Variants in GLIS3 observed in about 807,000 individuals in gnomAD.
GLIS3 encodes zinc finger protein GLIS3.
In GLIS3, 53 loss-of-function variants were observed where a neutral mutation model predicts 78.6. That is an observed-to-expected ratio of 0.67 (90% CI 0.54 to 0.85). The LOEUF (loss-of-function observed/expected upper bound fraction) is 0.85. GLIS3 is among the 40% of genes least tolerant of loss of function. The pLI is 0.00. For missense variants in GLIS3, 1,703 were observed against 1,231.1 expected (o/e 1.38, Z -5.74); for synonymous variants, 684 against 509.9 (o/e 1.34, Z -4.60).
At chr9:4,474,843 C>G in the GLIS3 span, among the ~76,000 whole-genome samples, 1 of 151,362 alleles carries the variant, frequency 6.6e-6, no homozygotes. Flanking sequence ...ACTACATGCA[C>G]CTGCCACCAC....
intron 2 of GLIS3, among the ~76,000 whole-genome samples, chr9:4,154,969 C>T (rs1358131238): frequency 3.3e-5 from 5 of 152,074 alleles, no homozygotes; most frequent in African/African-American, 1.2e-4. Flanking sequence ...TCAAAGAATA[C>T]TGAACTACAT....
At chr9:4,335,919 C>G (rs1817749767) in intron 2 of GLIS3, among the ~76,000 whole-genome samples, 1 of 152,124 alleles carries the variant, frequency 6.6e-6, no homozygotes, top group African/African-American at 2.4e-5. Flanking sequence ...GCTATGACAA[C>G]CTAAGGTAAA....
chr9:4,464,254 C>T, the GLIS3 span, among the ~76,000 whole-genome samples: 3 of 151,826 alleles, frequency 2.0e-5, no homozygotes, highest in Non-Finnish European at 2.9e-5. Flanking sequence ...AGGCAATGGT[C>T]TCTTTGTAGC....
At chr9:4,459,131 C>A in the GLIS3 span, among the ~76,000 whole-genome samples, 2 of 152,110 alleles carry the variant, frequency 1.3e-5, no homozygotes, top group African/African-American at 4.8e-5. Context: ...AGAGTGGAGA[C>A]AGGGAGACTA....
chr9:3,913,749 C>T (rs1588213286), intron 6 of GLIS3, among the ~76,000 whole-genome samples: 1 of 152,324 alleles, frequency 6.6e-6, no homozygotes, highest in Non-Finnish European at 1.5e-5. Flanking sequence ...TGATTTTCTA[C>T]ATTTTGTAAT....
the GLIS3 span, among the ~76,000 whole-genome samples, chr9:4,472,060 C>T: frequency 1.3e-3 from 195 of 152,286 alleles, 1 homozygote; most frequent in Non-Finnish European, 2.1e-3. Context: ...CAAGGAGATA[C>T]CATCTCACAC....
At chr9:4,190,630 TTCCCC>T in intron 2 of GLIS3, among the ~76,000 whole-genome samples, 1 of 151,714 alleles carries the variant, frequency 6.6e-6, no homozygotes, top group Non-Finnish European at 1.5e-5. Flanking sequence ...CCAGGAGAAC[TTCCCC>T]AATCTAGCAA....
At chr9:4,394,411 T>G in the GLIS3 span, among the ~76,000 whole-genome samples, 38 of 152,248 alleles carry the variant, frequency 2.5e-4, no homozygotes, top group East Asian at 3.9e-4. Flanking sequence ...TGAGTCTTCA[T>G]TCTCTCAGGA....
Position 4,118,687 on chromosome 9 carries a change from CTA to C in GLIS3, c.789_790del (p.Asn263LysfsTer4). On this transcript the variant is annotated frameshift_variant, in exon 4 of 11. Coordinates refer to ENST00000381971, the MANE Select transcript of GLIS3 (RefSeq NM_001042413.2). LOFTEE classifies it high-confidence loss of function. This position sits in a 1 kb window ranked among gnomAD's most constrained non-coding sequence, Gnocchi z 4.7. Reference sequence around the variant, plus strand: ...GTAGGATGGTAATGAGTTAGAGACACTATTGCTGGACATGGATGTCCCGGGAG... The same window carrying C: ...GTAGGATGGTAATGAGTTAGAGACACTTGCTGGACATGGATGTCCCGGGAG... The C allele has an allele frequency of 6.2e-7, 1 of 1,614,050 alleles. No individual in the cohort carries two copies. The highest frequency in any genetic ancestry group is 8.5e-7 in the Non-Finnish European group (1 of 1,180,000).
At position 3,826,377 on chromosome 9, in the gene GLIS3, A is replaced by G. The variant is rs941871867; in HGVS notation, c.*1895T>C. Reference sequence around the variant, plus strand: ...TTTAGGCCAAGTGACACGACCCACAAAGTCTGCAGGAAGGGTGGTACTTTA... The same window carrying G: ...TTTAGGCCAAGTGACACGACCCACAGAGTCTGCAGGAAGGGTGGTACTTTA... On this transcript the variant is annotated 3_prime_UTR_variant, in exon 11 of 11. Transcript: ENST00000381971. The G allele has an allele frequency of 6.6e-6, 1 of 152,182 alleles. No individual in the cohort carries two copies. The highest frequency in any genetic ancestry group is 2.4e-5 in the African/African-American group (1 of 41,446). The allele number at this position is 152,182 out of a possible 1,614,324, so 9.4% of individuals were successfully genotyped here.
the GLIS3 span, among the ~76,000 whole-genome samples, chr9:4,488,174 T>TA: frequency 3.9e-5 from 6 of 152,048 alleles, no homozygotes; most frequent in African/African-American, 1.4e-4. Context: ...AGGCTGGTCC[T>TA]AAACTCCTGG....
chr9:4,392,747 C>T, the GLIS3 span, among the ~76,000 whole-genome samples: 1 of 152,180 alleles, frequency 6.6e-6, no homozygotes, highest in East Asian at 1.9e-4. Flanking sequence ...TTTGCTTCTG[C>T]TATCACCCAA....
rs1286734154 is a variant in GLIS3, at chr9:4,136,726, A to G, written c.389-10785T>C. Among the ~76,000 whole-genome samples, 50 of 152,168 alleles carry G rather than the reference A, an allele frequency of 3.3e-4. 1 individual carries two copies. Among genetic ancestry groups the G allele is most frequent in the Non-Finnish European group, 8.8e-5 (6 of 68,030 alleles). Reference sequence around the variant, plus strand: ...GAGGAGGCACAATGCGTCCTGGAGAAACAAAGATGAGCTAGGGCTGCCTAC... The same window carrying G: ...GAGGAGGCACAATGCGTCCTGGAGAGACAAAGATGAGCTAGGGCTGCCTAC... On this transcript the variant is annotated intron_variant, in intron 2 of 10. Coordinates refer to ENST00000381971, the MANE Select transcript of GLIS3 (RefSeq NM_001042413.2).
intron 4 of GLIS3, chr9:4,070,793 A>G (rs1005012176): frequency 1.3e-5 from 2 of 152,242 alleles, no homozygotes; most frequent in African/African-American, 2.4e-5. Context: ...ATCTGTTGCC[A>G]GCAAGTCTCC....
intron 4 of GLIS3, 130 bp downstream of exon 4, chr9:4,117,638 G>A (rs1831764576): frequency 2.1e-5 from 21 of 997,752 alleles, no homozygotes; most frequent in Middle Eastern, 5.8e-4. Flanking sequence ...AAGCTGAAGG[G>A]GAACCCCATC....
At chr9:4,093,650 GT>G (rs1829705482) in intron 4 of GLIS3, among the ~76,000 whole-genome samples, 1 of 152,164 alleles carries the variant, frequency 6.6e-6, no homozygotes, top group Non-Finnish European at 1.5e-5. Context: ...CTGGATACTG[GT>G]CTTGAGGAAG....
At chr9:4,478,392 C>G in the GLIS3 span, among the ~76,000 whole-genome samples, 1 of 152,162 alleles carries the variant, frequency 6.6e-6, no homozygotes, top group Non-Finnish European at 1.5e-5. Flanking sequence ...CGGGAGATCA[C>G]TTGAGGTCAG....
intron 3 of GLIS3, among the ~76,000 whole-genome samples, chr9:4,310,127 C>T (rs1817325241): frequency 1.3e-5 from 2 of 152,270 alleles, no homozygotes; most frequent in African/African-American, 2.4e-5. Flanking sequence ...TTTTTCTCTT[C>T]ATTTCACATT....
At position 3,825,696 on chromosome 9, in the gene GLIS3, G is replaced by A. The variant is rs1029581897; in HGVS notation, c.*2576C>T. ...AAGTAAGCAAGGGACAAATTTTAAG[G>A]TCAGGAAAGACTCTCGAATCTAAGC... On this transcript the variant is annotated 3_prime_UTR_variant, in exon 11 of 11. Transcript: ENST00000381971. 6 of 152,128 alleles carry A rather than the reference G, an allele frequency of 3.9e-5. No individual in the cohort carries two copies. The highest frequency in any genetic ancestry group is 5.9e-5 in the Non-Finnish European group (4 of 68,048). The allele number at this position is 152,128 out of a possible 1,614,324, so 9.4% of individuals were successfully genotyped here.
Sources: allele counts gnomAD v4.1 joint callset (sites outside exome capture counted in the v4.1 genomes callset), GRCh38; gene constraint gnomAD v4.1.1; non-coding constraint Gnocchi (gnomAD v3.1); transcripts MANE v1.5; gene names NCBI Gene and HGNC (gene_info 2026-07-23, HGNC 2026-07-21).